Variants in CSMD2 observed in about 807,000 individuals in gnomAD.
CSMD2 encodes the protein CUB and sushi domain-containing protein 2.
In CSMD2, 130 loss-of-function variants were observed where a neutral mutation model predicts 398.5. That is an observed-to-expected ratio of 0.33 (90% confidence interval 0.28 to 0.38). The LOEUF is 0.38. Ranked by LOEUF, CSMD2 falls within the 10% of genes least tolerant of loss-of-function variation. The pLI is 1.00. For missense variants in CSMD2, 3,829 were observed against 4,764.9 expected, an observed-to-expected ratio of 0.80 and a Z score of 5.78; for synonymous variants, 1,828 against 1,908.5, an observed-to-expected ratio of 0.96 and a Z score of 1.10.
In CSMD2 at chr1:33,658,053, G is replaced by C. The variant is rs763046808; in HGVS notation, c.4340C>G (p.Thr1447Arg). The change falls in exon 27 of 71, where the codon ACA becomes AGA. Residue 1447 changes from threonine to arginine, a missense_variant. Around this residue, in one of 5 missense-constraint regions of CSMD2, gnomAD observed 2,001 missense variants for 2,567.1 expected, o/e 0.78. Transcript: ENST00000373381. ...GTAGCCAGGGTCACACTGGAACACT[G>C]TGGAGTCGCCGGCTTCCCAACTGTC... is the stretch of plus-strand genomic sequence containing the variant. The part of the protein sequence containing the change: ...SGDSWEAGDS[T>R]VFQCDPGYAL... The C allele has an allele frequency of 6.2e-7, 1 of 1,614,218 alleles. No homozygotes were observed. Among genetic ancestry groups the C allele is most frequent in the Non-Finnish European group, 8.5e-7 (1 of 1,180,040 alleles).
At chr1:33,628,668 CAAAAAA>C (rs35461345) in intron 32 of CSMD2, among the ~76,000 whole-genome samples, 1 of 83,984 alleles carries the variant, frequency 1.2e-5, no homozygotes. Context: ...GACTCTGTCT[CAAAAAA>C]AAAAAAAAAA....
intron 3 of CSMD2, among the ~76,000 whole-genome samples, chr1:33,957,579 T>G (rs1211888022): frequency 6.6e-6 from 1 of 151,690 alleles, no homozygotes; most frequent in Non-Finnish European, 1.5e-5. Context: ...GTCTGTGTGT[T>G]CAGGCTTAAT....
intron 14 of CSMD2, among the ~76,000 whole-genome samples, chr1:33,742,595 C>T (rs1360380259): frequency 2.1e-5 from 3 of 140,720 alleles, no homozygotes. Context: ...CCCCCCAACC[C>T]CCTCTGTAAC....
chr1:33,533,956 T>A lies in CSMD2; in HGVS notation c.9880-49A>T. 8.3e-7 allele frequency: 1 copy of A among 1,202,626 alleles called. No individual in the cohort carries two copies. Among genetic ancestry groups the A allele is most frequent in the Non-Finnish European group, 1.2e-6 (1 of 811,936 alleles). The allele number at this position is 1,202,626 out of a possible 1,614,324, so 74.5% of individuals were successfully genotyped here. A position where few individuals can be genotyped will look rare whatever the true frequency, so the allele number is the denominator to read the frequency against. Reference sequence around the variant, plus strand: ...TCAGCCCCTTCCTTTCAGCGGTGCTTCCTACGTCTGTCCCTTGACCACTTT... The same window carrying A: ...TCAGCCCCTTCCTTTCAGCGGTGCTACCTACGTCTGTCCCTTGACCACTTT... On this transcript the variant is annotated intron_variant, in intron 62 of 70. Transcript: ENST00000373381. The surrounding 1 kb of genome is among the most constrained non-coding windows in gnomAD (Gnocchi z 4.2).
In CSMD2 at chr1:33,636,177, G is replaced by C. The variant is rs945102386; in HGVS notation, c.4969+183C>G. ...GGGTTCTGAGATGATACCTTGAAAG[G>C]AACTGCACACCTAGTGAATTATAAG... On this transcript the variant is annotated intron_variant, in intron 30 of 70. Transcript: ENST00000373381. This position sits in a 1 kb window ranked among gnomAD's most constrained non-coding sequence, Gnocchi z 4.8. Among the ~76,000 whole-genome samples the C allele has an allele frequency of 1.3e-5, 2 of 152,150 alleles. No homozygotes were observed. Among genetic ancestry groups the C allele is most frequent in the African/African-American group, 4.8e-5 (2 of 41,422 alleles).
chr1:33,984,830 G>GGGAAGGA (rs1462815661), intron 3 of CSMD2, among the ~76,000 whole-genome samples: 1 of 148,068 alleles, frequency 6.8e-6, no homozygotes, highest in East Asian at 2.0e-4. Flanking sequence ...GAGGGAAGGA[G>GGGAAGGA]GGAAGGAGGA....
intron 1 of CSMD2, among the ~76,000 whole-genome samples, chr1:34,104,119 G>A (rs1206464036): frequency 6.6e-6 from 1 of 152,174 alleles, no homozygotes; most frequent in Admixed American, 6.5e-5. Flanking sequence ...TTTTCTTTAA[G>A]TCCCAGTCAC....
chr1:33,716,448 G>A lies in CSMD2; in HGVS notation c.3055C>T (p.Leu1019Phe). The A allele has an allele frequency of 6.2e-7, 1 of 1,613,980 alleles. No individual in the cohort carries two copies. Among genetic ancestry groups the A allele is most frequent in the Non-Finnish European group, 8.5e-7 (1 of 1,180,012 alleles). ...FHLESGHDYL[L>F]ITENGSFTQP... ...GTGAAGCTGCCGTTCTCAGTGATGA[G>A]GAGGTAGTCATGGCCACTTTCCAGG... The change falls in exon 20 of 71, where the codon CTC becomes TTC. Residue 1019 changes from leucine (L) to phenylalanine (F), a missense_variant. Physicochemically the swap from Leu to Phe is conservative, Grantham distance 22. Transcript: ENST00000373381.
At chr1:33,925,505 C>T (rs946824847) in intron 4 of CSMD2, among the ~76,000 whole-genome samples, 1 of 152,118 alleles carries the variant, frequency 6.6e-6, no homozygotes, top group Admixed American at 6.5e-5. Flanking sequence ...TCTTTTTGCT[C>T]AAGATTGCTT....
chr1:33,779,823 A>G (rs538562063), intron 12 of CSMD2, among the ~76,000 whole-genome samples: 4 of 152,318 alleles, frequency 2.6e-5, no homozygotes, highest in Non-Finnish European at 4.4e-5. Flanking sequence ...GACCGAGCCA[A>G]TGTTTTTTGA....
chr1:33,580,108 C>T (rs951087331), intron 48 of CSMD2, among the ~76,000 whole-genome samples: 1 of 152,236 alleles, frequency 6.6e-6, no homozygotes, highest in Non-Finnish European at 1.5e-5. Flanking sequence ...TAATTCATTT[C>T]TGCCTCCAAG....
chr1:33,750,817 T>C (rs1320336938), intron 13 of CSMD2, among the ~76,000 whole-genome samples: 1 of 152,064 alleles, frequency 6.6e-6, no homozygotes, highest in African/African-American at 2.4e-5. Flanking sequence ...ACCAGAGAAG[T>C]CCTAGAAGAA....
intron 5 of CSMD2, among the ~76,000 whole-genome samples, chr1:33,850,612 G>A (rs978678079): frequency 2.0e-5 from 3 of 152,086 alleles, no homozygotes; most frequent in African/African-American, 7.2e-5. Context: ...TTAAAGGAGA[G>A]AAACACAAAG....
chr1:33,997,852 G>A (rs1269086082), intron 3 of CSMD2, among the ~76,000 whole-genome samples: 2 of 152,080 alleles, frequency 1.3e-5, no homozygotes, highest in East Asian at 1.9e-4. Context: ...GACTAGTGAT[G>A]GGAGAAAAAT....
Position 33,547,242 on chromosome 1 carries a change from A to G in CSMD2, c.8918-1023T>C, listed in dbSNP as rs535742964. On this transcript the variant is annotated intron_variant, in intron 56 of 70. Transcript: ENST00000373381. ...AAGGACCCAAGGAGCGAAGAAGGGT[A>G]GAGAACAGGAGACAAAGCCACAAGA... 8.5e-5 allele frequency among the ~76,000 whole-genome samples: 13 copies of G among 152,342 alleles called. No homozygotes were observed. The East Asian group carries it at 2.3e-3, about 27-fold the overall frequency.
At position 33,788,722 on chromosome 1, in the gene CSMD2, G is replaced by A. The variant is rs906028024; in HGVS notation, c.1551-10C>T. The A allele has an allele frequency of 3.9e-6, 6 of 1,544,200 alleles. No homozygotes were observed. In the African/African-American group the frequency reaches 4.1e-5, roughly 10 times the overall value. On this transcript the variant is annotated splice_polypyrimidine_tract_variant and intron_variant, in intron 11 of 70. Transcript: ENST00000373381. ...CGATGTACCTGTCAGGCTGGCAGGA[G>A]AGAGATATTTAGAGGTGTGCTCTCC...
At chr1:33,534,830 G>A (rs568112680) in intron 62 of CSMD2, among the ~76,000 whole-genome samples, 5 of 152,034 alleles carry the variant, frequency 3.3e-5, no homozygotes, top group East Asian at 3.9e-4. Flanking sequence ...TGATCCCTTC[G>A]ACCCCACAAT....
Position 33,584,980 on chromosome 1 carries a change from G to A in CSMD2, c.7052-1150C>T, listed in dbSNP as rs146993408. 3.1e-3 allele frequency among the ~76,000 whole-genome samples: 466 copies of A among 152,272 alleles called. 3 individuals are homozygous for A. Among genetic ancestry groups the A allele is most frequent in the African/African-American group, 0.01 (436 of 41,556 alleles). ...AGAGAGGCCCTTCCCCAGCACTGAG[G>A]AGATGCTGTGTCCTGGGGCACAGGC... is the stretch of plus-strand genomic sequence containing the variant. On this transcript the variant is annotated intron_variant, in intron 46 of 70. Transcript: ENST00000373381.
At chr1:33,742,584 C>CCT (rs1557824935) in intron 14 of CSMD2, among the ~76,000 whole-genome samples, 12 of 139,096 alleles carry the variant, frequency 8.6e-5, no homozygotes, top group Admixed American at 7.9e-4. Flanking sequence ...TCTGCCCCCC[C>CCT]CCCCCCAACC....
Sources: allele counts gnomAD v4.1 joint callset (sites outside exome capture counted in the v4.1 genomes callset), GRCh38; gene constraint gnomAD v4.1.1; regional missense constraint gnomAD v4.1.1; non-coding constraint Gnocchi (gnomAD v3.1); transcripts MANE v1.5; gene names NCBI Gene and HGNC (gene_info 2026-07-23, HGNC 2026-07-21).